The following AFTPH variants were observed in gnomAD, a reference collection of about 807,000 sequenced individuals.
The protein encoded by AFTPH is aftiphilin.
Under a neutral mutation model 72.5 loss-of-function variants are expected in AFTPH, and 7 were observed. The ratio of observed to expected loss-of-function variants is 0.10; its 90% CI spans 0.05 to 0.18. AFTPH has a LOEUF of 0.18. Ranked by LOEUF, AFTPH falls within the 10% of genes least tolerant of loss-of-function variation. The pLI, the probability that AFTPH is intolerant of heterozygous loss-of-function variation, is 1.00. For synonymous variants in AFTPH, 337 were observed against 370.1 expected (o/e 0.91, Z 1.03); for missense variants, 979 against 1,060.5 (o/e 0.92, Z 1.07).
chr2:64,568,984 C>T, intron 3 of AFTPH, 108 bp from the exon 4 acceptor site: 1 of 1,206,244 alleles, frequency 8.3e-7, no homozygotes, highest in South Asian at 1.2e-5. Context: ...TACGTTGGAC[C>T]CAAGAGTAAA....
chr2:64,527,406 C>A (rs1669340931), intron 1 of AFTPH, among the ~76,000 whole-genome samples: 1 of 152,082 alleles, frequency 6.6e-6, no homozygotes, highest in Non-Finnish European at 1.5e-5. Flanking sequence ...CATGGAGAAA[C>A]CCCGTCTCTA....
At chr2:64,584,435 A>G (rs1190588242) in intron 7 of AFTPH, among the ~76,000 whole-genome samples, 1 of 152,112 alleles carries the variant, frequency 6.6e-6, no homozygotes, top group East Asian at 1.9e-4. Flanking sequence ...TACCAGATTC[A>G]GACATGAGAC....
chr2:64,552,269 T>G, exon 2 of AFTPH: 1 of 1,613,958 alleles, frequency 6.2e-7, no homozygotes, highest in Non-Finnish European at 8.5e-7. Context: ...GGGAAAACAA[T>G]AAAATTAATA....
At chr2:64,572,826 C>A in intron 5 of AFTPH, 120 bp from the exon 6 acceptor site, 1 of 1,314,590 alleles carries the variant, frequency 7.6e-7, no homozygotes, top group South Asian at 1.7e-5. Flanking sequence ...AGACTAGTTC[C>A]TTTTTGTCTT....
At chr2:64,529,875 C>T (rs1456620017) in intron 1 of AFTPH, among the ~76,000 whole-genome samples, 1 of 152,150 alleles carries the variant, frequency 6.6e-6, no homozygotes, top group East Asian at 1.9e-4. Flanking sequence ...ATCCCTCAGC[C>T]AGGCGCAGTG....
At chr2:64,581,049 G>A (rs1673167241) in intron 7 of AFTPH, 141 bp from the exon 8 acceptor site, 2 of 569,254 alleles carry the variant, frequency 3.5e-6, no homozygotes, top group African/African-American at 3.9e-5. Flanking sequence ...TTGTTTTAAT[G>A]TTGATTTTTA....
At chr2:64,552,061 G>T in exon 2 of AFTPH, 1 of 1,613,944 alleles carries the variant, frequency 6.2e-7, no homozygotes, top group Admixed American at 1.7e-5. Context: ...AATCCTCAGG[G>T]AACAGATGAT....
chr2:64,547,368 T>G (rs950085585), intron 1 of AFTPH, among the ~76,000 whole-genome samples: 1 of 152,178 alleles, frequency 6.6e-6, no homozygotes, highest in Non-Finnish European at 1.5e-5. Flanking sequence ...AAGTCAGGTG[T>G]TGTATTTTTG....
At position 64,549,308 on chromosome 2, in the gene AFTPH, CTTTTTT is replaced by C. The variant is rs34951706; in HGVS notation, c.-32-2110_-32-2105del. Among the ~76,000 whole-genome samples the C allele has an allele frequency of 3.7e-4, 21 of 56,024 alleles. 1 individual carries two copies. The highest frequency in any genetic ancestry group is 1.0e-3 in the African/African-American group (17 of 16,394). The allele number at this position is 56,024 out of a possible 152,430, so 36.8% of individuals were successfully genotyped here. On this transcript the variant is annotated intron_variant, in intron 1 of 8. Coordinates refer to ENST00000238856, the Ensembl canonical transcript of AFTPH. Reference sequence around the variant, plus strand: ...CTAGGACTTTGGCTGTTAGTCCTCCCTTTTTTTTTTTTTTTTTTTTTTTTTTTTTTG... The same window carrying C: ...CTAGGACTTTGGCTGTTAGTCCTCCCTTTTTTTTTTTTTTTTTTTTTTTTG...
chr2:64,586,438 C>T (rs1345177376), intron 8 of AFTPH, among the ~76,000 whole-genome samples: 1 of 152,182 alleles, frequency 6.6e-6, no homozygotes, highest in Non-Finnish European at 1.5e-5. Flanking sequence ...TAAATAGATT[C>T]TTCTATAGAA....
intron 3 of AFTPH, among the ~76,000 whole-genome samples, chr2:64,568,272 C>T (rs1672209600): frequency 6.7e-6 from 1 of 149,554 alleles, no homozygotes; most frequent in Non-Finnish European, 1.5e-5. Flanking sequence ...TTGGCATTTT[C>T]ATTATTATAA....
chr2:64,552,621 C>A (rs1188880279), exon 2 of AFTPH: 2 of 1,613,980 alleles, frequency 1.2e-6, no homozygotes, highest in East Asian at 4.5e-5. Flanking sequence ...AGTTGGTTCT[C>A]CCAAAGAAGA....
intron 1 of AFTPH, among the ~76,000 whole-genome samples, chr2:64,547,090 T>C (rs1368346693): frequency 6.6e-6 from 1 of 152,098 alleles, no homozygotes; most frequent in Non-Finnish European, 1.5e-5. Context: ...ACCATCACAA[T>C]CAAGAAATTA....
Position 64,576,122 on chromosome 2 carries a change from TGTCATACAAATGA to T in AFTPH, c.2394+3055_2394+3067del, listed in dbSNP as rs1278785374. On this transcript the variant is annotated intron_variant, in intron 6 of 8. Transcript: ENST00000238856. ...ACACACACACACACACACACACGTG[TGTCATACAAATGA>T]AATACGTGTGTGTGTGTGTGTATGT... is the stretch of plus-strand genomic sequence containing the variant. Among the ~76,000 whole-genome samples, 207 of 142,790 alleles carry T rather than the reference TGTCATACAAATGA, an allele frequency of 1.4e-3. 1 individual carries two copies. The highest frequency in any genetic ancestry group is 5.4e-3 in the African/African-American group (200 of 36,998). The allele number at this position is 142,790 out of a possible 152,430, so 93.7% of individuals were successfully genotyped here.
At position 64,544,816 on chromosome 2, in the gene AFTPH, G is replaced by A. The variant is rs951835396; in HGVS notation, c.-32-6627G>A. 2.3e-4 allele frequency among the ~76,000 whole-genome samples: 35 copies of A among 152,228 alleles called. 1 individual carries two copies. The highest frequency in any genetic ancestry group is 8.0e-4 in the African/African-American group (33 of 41,506). ...CTTAGAAGCAGTGGCACTCTCTTAG[G>A]TTTCTAAAGGGTAAGTTGGGTCAGA... is the stretch of plus-strand genomic sequence containing the variant. On this transcript the variant is annotated intron_variant, in intron 1 of 8. Transcript: ENST00000238856.
At chr2:64,546,844 C>T (rs1038065126) in intron 1 of AFTPH, among the ~76,000 whole-genome samples, 2 of 148,730 alleles carry the variant, frequency 1.3e-5, no homozygotes, top group African/African-American at 5.0e-5. Context: ...ACCATCCTGG[C>T]TAACACAGTG....
In AFTPH at chr2:64,576,074, TACACACACACACACACACACAC is replaced by T. The variant is rs55774717; in HGVS notation, c.2394+3029_2394+3050del. Among the ~76,000 whole-genome samples, 289 of 127,760 alleles carry T rather than the reference TACACACACACACACACACACAC, an allele frequency of 2.3e-3. 2 individuals are homozygous for T. The highest frequency in any genetic ancestry group is 0.022 in the Middle Eastern group (5 of 232). 83.8% of individuals were successfully genotyped at this position (127,760 alleles called of 152,430 possible). Reference sequence around the variant, plus strand: ...TTCTTACCACTCTTCTTTGGCATGCTACACACACACACACACACACACACACACACACACACACACACACGTG... The same window carrying T: ...TTCTTACCACTCTTCTTTGGCATGCTACACACACACACACACACACACGTG... On this transcript the variant is annotated intron_variant, in intron 6 of 8. Coordinates refer to ENST00000238856, the Ensembl canonical transcript of AFTPH.
chr2:64,541,264 A>G (rs1191014235), intron 1 of AFTPH, among the ~76,000 whole-genome samples: 1 of 152,158 alleles, frequency 6.6e-6, no homozygotes, highest in African/African-American at 2.4e-5. Context: ...CGTGGAAGAT[A>G]CTATTTATTT....
intron 8 of AFTPH, 75 bp from the exon 10 acceptor site, chr2:64,591,813 G>C: frequency 6.6e-7 from 1 of 1,511,418 alleles, no homozygotes; most frequent in Non-Finnish European, 9.1e-7. Context: ...TGTCTACCTT[G>C]AGAGTGGATT....
Sources: allele counts gnomAD v4.1 joint callset (sites outside exome capture counted in the v4.1 genomes callset), GRCh38; gene constraint gnomAD v4.1.1; transcripts MANE v1.5; gene names NCBI Gene and HGNC (gene_info 2026-07-23, HGNC 2026-07-21).